KDM4C: variants seen among roughly 807,000 people sequenced by gnomAD.
The protein encoded by KDM4C is lysine demethylase 4C.
A neutral mutation model predicts 129.3 loss-of-function variants in KDM4C; 81 were observed. The ratio of observed to expected loss-of-function variants is 0.63; its 90% CI spans 0.52 to 0.75. The LOEUF (loss-of-function observed/expected upper bound fraction) is 0.75, where lower values mean the gene tolerates loss of function less well. KDM4C is among the 30% of genes least tolerant of loss of function. KDM4C has a pLI of 0.00. For synonymous variants in KDM4C, 573 were observed against 456.1 expected, an observed-to-expected ratio of 1.26 and a Z score of -3.26; for missense variants, 1,457 against 1,304.0, an observed-to-expected ratio of 1.12 and a Z score of -1.81.
chr9:6,829,541 A>G lies in KDM4C; in HGVS notation c.435+14796A>G, dbSNP rs550181528. Among the ~76,000 whole-genome samples, 5 of 152,380 alleles carry G rather than the reference A, an allele frequency of 3.3e-5. 1 individual carries two copies. The highest frequency in any genetic ancestry group is 7.2e-5 in the African/African-American group (3 of 41,594). On this transcript the variant is annotated intron_variant, in intron 4 of 21. Transcript: ENST00000381309. ...TGGAGATCATCTGGTATAATAGTCAACACATTGATAGATAAGGAAGCTCAG... is the reference window on the plus strand; with the variant it reads ...TGGAGATCATCTGGTATAATAGTCAGCACATTGATAGATAAGGAAGCTCAG...
At chr9:7,071,660 A>G (rs939148594) in intron 17 of KDM4C, among the ~76,000 whole-genome samples, 1 of 152,204 alleles carries the variant, frequency 6.6e-6, no homozygotes, top group Non-Finnish European at 1.5e-5. Context: ...CAGAAACTAT[A>G]AAACTTATAG....
intron 11 of KDM4C, among the ~76,000 whole-genome samples, chr9:6,987,122 C>A (rs540937755): frequency 2.6e-4 from 39 of 152,296 alleles, no homozygotes; most frequent in Admixed American, 1.0e-3. Flanking sequence ...CTGCTGGGCA[C>A]TGATCACTTT....
At chr9:6,755,085 A>AATCCTT (rs1438828172), upstream of KDM4C, among the ~76,000 whole-genome samples, 1 of 151,216 alleles carries the variant, frequency 6.6e-6, no homozygotes, top group Non-Finnish European at 1.5e-5. Flanking sequence ...AAAATACAAA[A>AATCCTT]ATTAGGCCGG....
intron 8 of KDM4C, among the ~76,000 whole-genome samples, chr9:6,898,442 T>C (rs911084000): frequency 6.6e-6 from 1 of 152,202 alleles, no homozygotes; most frequent in Non-Finnish European, 1.5e-5. Flanking sequence ...GGAAAGGTAA[T>C]AGTTGGTGAC....
chr9:7,101,675 C>T (rs567192257), intron 17 of KDM4C, among the ~76,000 whole-genome samples: 29 of 152,272 alleles, frequency 1.9e-4, no homozygotes, highest in African/African-American at 4.3e-4. Flanking sequence ...TGTCTTCTTA[C>T]GCCTTTTTAG....
At chr9:6,889,211 T>TTTTG (rs766335055) in intron 7 of KDM4C, among the ~76,000 whole-genome samples, 1 of 61,616 alleles carries the variant, frequency 1.6e-5, no homozygotes, top group Admixed American at 2.1e-4. Context: ...GGCCTTCTTT[T>TTTTG]TGTGTGTGTG....
chr9:7,130,736 G>A (rs1413320029), intron 19 of KDM4C, among the ~76,000 whole-genome samples: 1 of 152,108 alleles, frequency 6.6e-6, no homozygotes, highest in African/African-American at 2.4e-5. Context: ...CTATCTAAAT[G>A]TGGGTGAATA....
chr9:7,086,977 T>A (rs558300112), intron 17 of KDM4C, among the ~76,000 whole-genome samples: 1 of 152,306 alleles, frequency 6.6e-6, no homozygotes, highest in African/African-American at 2.4e-5. Context: ...CTCTGCCCTG[T>A]GGTTGAAGAC....
At position 6,847,670 on chromosome 9, in the gene KDM4C, G is replaced by A. The variant is rs1199751583; in HGVS notation, c.436-1837G>A. On this transcript the variant is annotated intron_variant, in intron 4 of 21. Transcript: ENST00000381309. ...CTCCCAAAGTGCTGGGATTACAGGC[G>A]TGAGTCTCCGCGCCCGGCCGGATCT... is the stretch of plus-strand genomic sequence containing the variant. Among the ~76,000 whole-genome samples the A allele has an allele frequency of 3.3e-5, 5 of 152,316 alleles. No individual in the cohort carries two copies. In the South Asian group the frequency reaches 8.3e-4, roughly 25 times the overall value.
rs1841319099 is a variant in KDM4C at position 7,137,331 on chromosome 9, C to T, written c.2781+9095C>T. On this transcript the variant is annotated intron_variant, in intron 19 of 21. Coordinates refer to ENST00000381309, the MANE Select transcript of KDM4C (RefSeq NM_015061.6). ...TGTTAGGGTAGGGCTGAATCAACTT[C>T]CATTTAATACAAAATATAAACATTA... 4.6e-5 allele frequency among the ~76,000 whole-genome samples: 7 copies of T among 152,334 alleles called. No homozygotes were observed. In the South Asian group the frequency reaches 1.4e-3, roughly 32 times the overall value.
intron 1 of KDM4C, among the ~76,000 whole-genome samples, chr9:6,792,252 A>T (rs1273145850): frequency 6.6e-6 from 1 of 151,928 alleles, no homozygotes; most frequent in East Asian, 1.9e-4. Context: ...CTGAGGCAGG[A>T]AAATCGCTTG....
chr9:6,744,845 G>C (rs1025136547), intron 1 of KDM4C, among the ~76,000 whole-genome samples: 1 of 152,078 alleles, frequency 6.6e-6, no homozygotes, highest in Non-Finnish European at 1.5e-5. Context: ...GAAGGCACCA[G>C]GGCAAGGTGG....
intron 8 of KDM4C, among the ~76,000 whole-genome samples, chr9:6,901,855 A>T (rs908742703): frequency 6.6e-6 from 1 of 152,198 alleles, no homozygotes; most frequent in African/African-American, 2.4e-5. Flanking sequence ...TAAGTAAGAC[A>T]TGTAGTTTCT....
intron 12 of KDM4C, among the ~76,000 whole-genome samples, chr9:7,004,168 C>T (rs1821236671): frequency 2.6e-5 from 4 of 152,314 alleles, no homozygotes; most frequent in Admixed American, 2.6e-4. Flanking sequence ...CAAGTCCTGG[C>T]AGCAGCCCTT....
chr9:7,013,973 T>C lies in KDM4C; in HGVS notation c.2154T>C (p.Cys718=), dbSNP rs1343552745. Reference sequence around the variant, plus strand: ...ATGGAACAAGTCTCCTTATTTCCTGTGCAAAGTGCTGCGTACGGGTTCATG... The same window carrying C: ...ATGGAACAAGTCTCCTTATTTCCTGCGCAAAGTGCTGCGTACGGGTTCATG... ...EEDGTSLLIS[C]AKCCVRVHAS... Residue 718 remains cysteine (C), a synonymous_variant, in exon 14 of 22, where the codon TGT becomes TGC. Coordinates refer to ENST00000381309, the MANE Select transcript of KDM4C (RefSeq NM_015061.6). 7 of 1,613,738 alleles carry C rather than the reference T, an allele frequency of 4.3e-6. No homozygotes were observed. The African/African-American group carries it at 9.3e-5, about 22-fold the overall frequency.
At chr9:6,805,821 T>G in intron 3 of KDM4C, 47 bp downstream of exon 3, 1 of 1,532,934 alleles carries the variant, frequency 6.5e-7, no homozygotes, top group Non-Finnish European at 8.9e-7. Context: ...AAGATTTATG[T>G]AAATATGTTA....
chr9:6,805,668 C>G lies in KDM4C; in HGVS notation c.214C>G (p.Pro72Ala), dbSNP rs767264540. ...DDIDNLLIPA[P>A]IQQMVTGQSG... Reference sequence around the variant, plus strand: ...CATTGATAATTTGCTCATTCCAGCACCAATTCAGCAGATGGTCACAGGGCA... The same window carrying G: ...CATTGATAATTTGCTCATTCCAGCAGCAATTCAGCAGATGGTCACAGGGCA... Residue 72 changes from proline to alanine, a missense_variant, in exon 3 of 22, where the codon CCA (proline) becomes GCA (alanine). Pro to Ala is a conservative substitution (Grantham distance 27). Transcript: ENST00000381309. 1 of 1,614,000 alleles carries G rather than the reference C, an allele frequency of 6.2e-7. No individual in the cohort carries two copies. The highest frequency in any genetic ancestry group is 8.5e-7 in the Non-Finnish European group (1 of 1,179,954).
chr9:6,985,650 G>C (rs1348614160), intron 10 of KDM4C, among the ~76,000 whole-genome samples: 1 of 152,054 alleles, frequency 6.6e-6, no homozygotes. Context: ...TAGAGAGTTA[G>C]GCAATACATA....
At position 6,814,687 on chromosome 9, in the gene KDM4C, A is replaced by G. The variant is rs1260153833; in HGVS notation, c.377A>G (p.Asn126Ser). The change falls in exon 4 of 22, where the codon AAC (asparagine) becomes AGC (serine). Residue 126 changes from asparagine (N) to serine (S), a missense_variant. Coordinates refer to ENST00000381309, the MANE Select transcript of KDM4C (RefSeq NM_015061.6). Reference sequence around the variant, plus strand: ...GATTTGGAGCGCAAGTACTGGAAGAACTTAACTTTTGTGGCACCTATCTAT... The same window carrying G: ...GATTTGGAGCGCAAGTACTGGAAGAGCTTAACTTTTGTGGCACCTATCTAT... ...YEDLERKYWK[N>S]LTFVAPIYGA... The G allele has an allele frequency of 6.2e-7, 1 of 1,611,952 alleles. No individual in the cohort carries two copies. The highest frequency in any genetic ancestry group is 8.5e-7 in the Non-Finnish European group (1 of 1,178,936).
Sources: gnomAD v4.1 joint callset for allele counts (sites outside exome capture counted in the v4.1 genomes callset) on GRCh38, gnomAD v4.1.1 for gene constraint, MANE v1.5 for transcripts, NCBI Gene and HGNC (gene_info 2026-07-23, HGNC 2026-07-21) for gene names.